IPCEF1: variants seen among roughly 807,000 people sequenced by gnomAD.
IPCEF1 encodes the protein interaction protein for cytohesin exchange factors 1.
Under a neutral mutation model 50.9 loss-of-function variants are expected in IPCEF1, and 31 were observed. The observed-to-expected ratio is 0.61, with a 90% CI of 0.46 to 0.82. The LOEUF is 0.82. IPCEF1 is among the 40% of genes least tolerant of loss of function. The probability of loss-of-function intolerance (pLI) is 0.00; values close to 1 mark genes in which losing one functional copy is unlikely to be tolerated. For synonymous variants in IPCEF1, 181 were observed against 192.0 expected (o/e 0.94, Z 0.47); for missense variants, 458 against 514.0 (o/e 0.89, Z 1.05).
rs914097422 is a variant in IPCEF1 at position 154,353,293 on chromosome 6, C to CTTTT, written c.-62+3375_-62+3378dup. 2.3e-4 allele frequency among the ~76,000 whole-genome samples: 30 copies of CTTTT among 127,856 alleles called. 1 individual carries two copies. Among genetic ancestry groups the CTTTT allele is most frequent in the African/African-American group, 5.4e-4 (18 of 33,268 alleles). The allele number at this position is 127,856 out of a possible 152,430, so 83.9% of individuals were successfully genotyped here. A position where few individuals can be genotyped will look rare whatever the true frequency, so the allele number is the denominator to read the frequency against. On this transcript the variant is annotated intron_variant, in intron 1 of 11. Transcript: ENST00000367220. Reference sequence around the variant, plus strand: ...GTCCATTTCTTTTCTTTTCCTTTTCCTTTTTTTTTTTTTTTTTTTTGAGAT... The same window carrying CTTTT: ...GTCCATTTCTTTTCTTTTCCTTTTCCTTTTTTTTTTTTTTTTTTTTTTTTGAGAT...
At chr6:154,170,812 A>G (rs58429478) in intron 10 of IPCEF1, among the ~76,000 whole-genome samples, 2 of 152,204 alleles carry the variant, frequency 1.3e-5, no homozygotes, top group Non-Finnish European at 2.9e-5. Context: ...GAGGATGTGG[A>G]TAAATTGGAA....
intron 9 of IPCEF1, among the ~76,000 whole-genome samples, chr6:154,206,524 C>A (rs1777508154): frequency 6.6e-6 from 1 of 152,146 alleles, no homozygotes; most frequent in Admixed American, 6.5e-5. Flanking sequence ...GGCACTGGCT[C>A]TGACTTTAAG....
chr6:154,278,452 G>A (rs1226568118), intron 2 of IPCEF1, among the ~76,000 whole-genome samples: 1 of 152,172 alleles, frequency 6.6e-6, no homozygotes, highest in Non-Finnish European at 1.5e-5. Context: ...CTTGAAAGTA[G>A]AGATCCTCCG....
At chr6:154,222,705 A>G (rs1778962507) in intron 6 of IPCEF1, among the ~76,000 whole-genome samples, 1 of 152,222 alleles carries the variant, frequency 6.6e-6, no homozygotes, top group Admixed American at 6.5e-5. Context: ...CAATTAGATC[A>G]GAGTGTAATC....
chr6:154,312,496 AC>A (rs1783103208), intron 1 of IPCEF1, among the ~76,000 whole-genome samples: 1 of 151,942 alleles, frequency 6.6e-6, no homozygotes, highest in Non-Finnish European at 1.5e-5. Context: ...ACAGGCACGC[AC>A]CACCACACCC....
At chr6:154,321,765 G>C (rs1409872703) in intron 1 of IPCEF1, among the ~76,000 whole-genome samples, 1 of 116,740 alleles carries the variant, frequency 8.6e-6, no homozygotes, top group Non-Finnish European at 1.7e-5. Flanking sequence ...GGGTGACAGA[G>C]AGAGACTCTT....
intron 1 of IPCEF1, among the ~76,000 whole-genome samples, chr6:154,304,007 T>C (rs1782866193): frequency 6.6e-6 from 1 of 152,146 alleles, no homozygotes; most frequent in South Asian, 2.1e-4. Flanking sequence ...CAAGAGGCTC[T>C]GGGCCCAGGA....
chr6:154,197,351 T>A (rs1182924806), intron 10 of IPCEF1, among the ~76,000 whole-genome samples: 1 of 152,252 alleles, frequency 6.6e-6, no homozygotes, highest in Non-Finnish European at 1.5e-5. Flanking sequence ...ATTGGGTTGC[T>A]GTTTCCATAG....
At chr6:154,212,645 T>C (rs1778058633) in intron 9 of IPCEF1, 125 bp downstream of exon 9, 1 of 645,916 alleles carries the variant, frequency 1.5e-6, no homozygotes, top group African/African-American at 1.8e-5. Flanking sequence ...CACTTGCTCG[T>C]TGGCAGGTAT....
chr6:154,221,205 A>C lies in IPCEF1; in HGVS notation c.392+52T>G, dbSNP rs915932543. On this transcript the variant is annotated intron_variant, in intron 7 of 11. Transcript: ENST00000367220. ...TGATTAGAATTCCAGTACCAGGCTA[A>C]AGTTAAGTATATTCCCATTAAGGAT... 2.3e-6 allele frequency: 3 copies of C among 1,315,318 alleles called. No individual in the cohort carries two copies. The African/African-American group carries it at 4.4e-5, about 19-fold the overall frequency. The allele number at this position is 1,315,318 out of a possible 1,614,324, so 81.5% of individuals were successfully genotyped here. A position where few individuals can be genotyped will look rare whatever the true frequency, so the allele number is the denominator to read the frequency against.
chr6:154,291,686 T>G (rs1782517346), intron 1 of IPCEF1, among the ~76,000 whole-genome samples: 1 of 145,150 alleles, frequency 6.9e-6, no homozygotes, highest in Non-Finnish European at 1.5e-5. Flanking sequence ...AAAGGTTTTT[T>G]TTTTTTTTTT....
At chr6:154,212,745 A>G in intron 9 of IPCEF1, 25 bp downstream of exon 9, 1 of 1,497,330 alleles carries the variant, frequency 6.7e-7, no homozygotes, top group Non-Finnish European at 9.3e-7. Context: ...TCGATGACCA[A>G]CAGACTACTT....
At position 154,180,412 on chromosome 6, in the gene IPCEF1, A is replaced by ATTTT. The variant is rs1301879776; in HGVS notation, c.911-12300_911-12299insAAAA. On this transcript the variant is annotated intron_variant, in intron 10 of 11. Transcript: ENST00000367220. ...TATATATATATATATATATATATAT[A>ATTTT]TATTTTTTTTTTAAACATGATCCTT... is the stretch of plus-strand genomic sequence containing the variant. Among the ~76,000 whole-genome samples the ATTTT allele has an allele frequency of 2.6e-3, 134 of 50,792 alleles. 1 individual carries two copies. Among genetic ancestry groups the ATTTT allele is most frequent in the South Asian group, 0.022 (53 of 2,378 alleles). The allele number at this position is 50,792 out of a possible 152,430, so 33.3% of individuals were successfully genotyped here.
intron 5 of IPCEF1, among the ~76,000 whole-genome samples, chr6:154,230,319 G>A (rs1435082448): frequency 6.6e-6 from 1 of 152,132 alleles, no homozygotes; most frequent in East Asian, 1.9e-4. Flanking sequence ...CATGAGTATG[G>A]GCGGGGATCA....
intron 1 of IPCEF1, among the ~76,000 whole-genome samples, chr6:154,294,513 C>T (rs1390186591): frequency 6.6e-6 from 1 of 152,066 alleles, no homozygotes; most frequent in Non-Finnish European, 1.5e-5. Flanking sequence ...AGGGGTTTCC[C>T]GAGAACCTTC....
At chr6:154,258,991 A>G (rs1781528022) in intron 3 of IPCEF1, among the ~76,000 whole-genome samples, 1 of 152,212 alleles carries the variant, frequency 6.6e-6, no homozygotes, top group Non-Finnish European at 1.5e-5. Flanking sequence ...ATGCCTTCCT[A>G]TGTGCCTGGC....
chr6:154,210,916 A>C (rs1777904786), intron 9 of IPCEF1, among the ~76,000 whole-genome samples: 1 of 152,214 alleles, frequency 6.6e-6, no homozygotes, highest in South Asian at 2.1e-4. Flanking sequence ...CTCCACTGAC[A>C]GTGTGAAAAA....
At chr6:154,346,744 G>T (rs1784037013) in intron 1 of IPCEF1, among the ~76,000 whole-genome samples, 1 of 152,154 alleles carries the variant, frequency 6.6e-6, no homozygotes, top group African/African-American at 2.4e-5. Flanking sequence ...AAAACCATCA[G>T]ATCTTGTGAG....
intron 2 of IPCEF1, among the ~76,000 whole-genome samples, chr6:154,289,241 T>C (rs1782450495): frequency 6.6e-6 from 1 of 151,964 alleles, no homozygotes; most frequent in Admixed American, 6.6e-5. Context: ...GGTGGGGACA[T>C]CTTCAGATTG....
Sources: gnomAD v4.1 joint callset for allele counts (sites outside exome capture counted in the v4.1 genomes callset) on GRCh38, gnomAD v4.1.1 for gene constraint, MANE v1.5 for transcripts, NCBI Gene and HGNC (gene_info 2026-07-23, HGNC 2026-07-21) for gene names.